Variants in SNCAIP observed in about 807,000 individuals in gnomAD.
The protein encoded by SNCAIP is synphilin-1.
SNCAIP carries 43 observed loss-of-function variants against 86.7 expected under a neutral mutation model. The observed-to-expected ratio is 0.50, with a 90% CI of 0.39 to 0.64. The LOEUF (loss-of-function observed/expected upper bound fraction) is 0.64. Ranked by LOEUF, SNCAIP falls within the 30% of genes least tolerant of loss-of-function variation. The pLI, the probability that SNCAIP is intolerant of heterozygous loss-of-function variation, is 0.00. For synonymous variants in SNCAIP, 417 were observed against 427.2 expected, an observed-to-expected ratio of 0.98 and a Z score of 0.29; for missense variants, 981 against 1,103.1, an observed-to-expected ratio of 0.89 and a Z score of 1.57.
At chr5:122,353,508 A>G (rs1760328762) in intron 1 of SNCAIP, among the ~76,000 whole-genome samples, 1 of 151,674 alleles carries the variant, frequency 6.6e-6, no homozygotes, top group African/African-American at 2.4e-5. Flanking sequence ...CCCCCACCCA[A>G]ATCTCATCTT....
At chr5:122,369,688 C>G (rs1441595200) in intron 1 of SNCAIP, 1 of 151,658 alleles carries the variant, frequency 6.6e-6, no homozygotes, top group African/African-American at 2.4e-5. Context: ...TTTTTTGTTC[C>G]CCCTTGAAGT....
intron 10 of SNCAIP, among the ~76,000 whole-genome samples, chr5:122,459,223 T>C (rs528515257): frequency 1.3e-5 from 2 of 152,104 alleles, no homozygotes; most frequent in Non-Finnish European, 2.9e-5. Flanking sequence ...AATAGCAAGG[T>C]TTCCCTGTTT....
intron 1 of SNCAIP, among the ~76,000 whole-genome samples, chr5:122,329,262 C>CAAAAAA (rs78307168): frequency 6.2e-5 from 5 of 81,218 alleles, no homozygotes; most frequent in Non-Finnish European, 1.4e-4. Flanking sequence ...GGTAATGTGG[C>CAAAAAA]AAAAAAAAAA....
At chr5:122,446,081 G>T (rs991250824) in intron 8 of SNCAIP, among the ~76,000 whole-genome samples, 4 of 152,024 alleles carry the variant, frequency 2.6e-5, no homozygotes, top group African/African-American at 9.7e-5. Context: ...AAACTTCAAG[G>T]TCTCAACGTA....
At chr5:122,448,713 A>G (rs1316271180) in intron 8 of SNCAIP, among the ~76,000 whole-genome samples, 2 of 139,268 alleles carry the variant, frequency 1.4e-5, no homozygotes, top group Admixed American at 7.7e-5. Flanking sequence ...ATACATATAT[A>G]TAATATATAT....
At chr5:122,447,550 T>C (rs1412376674) in intron 8 of SNCAIP, among the ~76,000 whole-genome samples, 2 of 152,230 alleles carry the variant, frequency 1.3e-5, no homozygotes, top group African/African-American at 4.8e-5. Context: ...ATAAGCCCTT[T>C]AAAAGCAGAC....
intron 1 of SNCAIP, among the ~76,000 whole-genome samples, chr5:122,338,184 C>T (rs980214270): frequency 4.6e-5 from 7 of 152,144 alleles, no homozygotes; most frequent in Admixed American, 6.5e-5. Context: ...AGAACGGATA[C>T]TTCTGCATGA....
intron 2 of SNCAIP, among the ~76,000 whole-genome samples, chr5:122,399,613 C>T (rs1005969331): frequency 2.0e-5 from 3 of 151,960 alleles, no homozygotes; most frequent in African/African-American, 7.3e-5. Flanking sequence ...GAGCTATATC[C>T]CTGCCTCATT....
At chr5:122,383,495 C>G (rs1428815024) in intron 1 of SNCAIP, 1 of 154,388 alleles carries the variant, frequency 6.5e-6, no homozygotes, top group African/African-American at 2.4e-5. Flanking sequence ...AGAAATCACC[C>G]GTCTTCTGTG....
intron 1 of SNCAIP, among the ~76,000 whole-genome samples, chr5:122,351,561 A>AAAAAAAAAAAAAAAG (rs1759833372): frequency 6.7e-6 from 1 of 149,662 alleles, no homozygotes; most frequent in Non-Finnish European, 1.5e-5. Flanking sequence ...AAAAAAAAAA[A>AAAAAAAAAAAAAAAG]AAAAAGAACT....
intron 1 of SNCAIP, among the ~76,000 whole-genome samples, chr5:122,334,385 T>A (rs1441294442): frequency 6.6e-6 from 1 of 152,168 alleles, no homozygotes; most frequent in Non-Finnish European, 1.5e-5. Flanking sequence ...AGTTCGTACT[T>A]GGAGGCTTAT....
intron 1 of SNCAIP, among the ~76,000 whole-genome samples, chr5:122,373,938 A>T (rs1037305488): frequency 6.6e-5 from 10 of 152,204 alleles, no homozygotes; most frequent in African/African-American, 1.2e-4. Flanking sequence ...TATATATCCC[A>T]GTTTAAATTC....
At chr5:122,330,117 C>CTTTTTTTTTTTTTTTT (rs1212303157) in intron 1 of SNCAIP, among the ~76,000 whole-genome samples, 8 of 96,850 alleles carry the variant, frequency 8.3e-5, no homozygotes, top group African/African-American at 2.2e-4. Context: ...AACTTCATTT[C>CTTTTTTTTTTTTTTTT]TTTTTTTTTT....
chr5:122,413,718 C>T (rs1659510861), intron 3 of SNCAIP, among the ~76,000 whole-genome samples: 1 of 151,882 alleles, frequency 6.6e-6, no homozygotes, highest in South Asian at 2.1e-4. Context: ...CTTTGTATTC[C>T]TGCTTTCCTT....
intron 1 of SNCAIP, among the ~76,000 whole-genome samples, chr5:122,384,881 CCAT>C (rs1313051574): frequency 6.6e-6 from 1 of 152,194 alleles, no homozygotes; most frequent in African/African-American, 2.4e-5. Flanking sequence ...CCCACCCTCA[CCAT>C]CACGCTTCAA....
At chr5:122,352,997 C>G (rs1336920052) in intron 1 of SNCAIP, among the ~76,000 whole-genome samples, 25 of 152,326 alleles carry the variant, frequency 1.6e-4, no homozygotes, top group Non-Finnish European at 2.2e-4. Flanking sequence ...GATACACGTA[C>G]ATACAAAGAT....
At chr5:122,327,970 G>T (rs1234236407) in intron 1 of SNCAIP, among the ~76,000 whole-genome samples, 5 of 152,124 alleles carry the variant, frequency 3.3e-5, no homozygotes, top group African/African-American at 1.2e-4. Flanking sequence ...GTGATTTAGG[G>T]TTAAAGGCCA....
intron 2 of SNCAIP, among the ~76,000 whole-genome samples, chr5:122,396,675 T>A (rs940646284): frequency 6.6e-6 from 1 of 152,180 alleles, no homozygotes; most frequent in African/African-American, 2.4e-5. Context: ...GTGTGTATAG[T>A]ATGCTATATT....
intron 1 of SNCAIP, among the ~76,000 whole-genome samples, chr5:122,315,060 A>T (rs1447670610): frequency 6.6e-6 from 1 of 152,240 alleles, no homozygotes; most frequent in Admixed American, 6.5e-5. Context: ...CTTAAATGTT[A>T]TATCAGTTAT....
Sources: allele counts gnomAD v4.1 joint callset (sites outside exome capture counted in the v4.1 genomes callset), GRCh38; gene constraint gnomAD v4.1.1; transcripts MANE v1.5; gene names NCBI Gene and HGNC (gene_info 2026-07-23, HGNC 2026-07-21).